Variants in FMN1 observed in about 807,000 individuals in gnomAD.
The protein encoded by FMN1 is formin-1.
Under a neutral mutation model 132.4 loss-of-function variants are expected in FMN1, and 110 were observed. The observed-to-expected ratio is 0.83, with a 90% confidence interval of 0.71 to 0.97. FMN1 has a LOEUF of 0.97. Among genes scored for constraint, FMN1 ranks in the 50% least tolerant of loss-of-function variants. The pLI is 0.00. For synonymous variants in FMN1, 722 were observed against 651.7 expected, an observed-to-expected ratio of 1.11 and a Z score of -1.64; for missense variants, 1,792 against 1,705.3, an observed-to-expected ratio of 1.05 and a Z score of -0.90.
chr15:33,047,426 T>C (rs2036739828), intron 6 of FMN1, among the ~76,000 whole-genome samples: 1 of 152,138 alleles, frequency 6.6e-6, no homozygotes, highest in Non-Finnish European at 1.5e-5. Context: ...ATAAGATATT[T>C]AAAAAAACTT....
intron 6 of FMN1, among the ~76,000 whole-genome samples, chr15:33,042,912 C>G (rs2036506039): frequency 6.6e-6 from 1 of 152,108 alleles, no homozygotes; most frequent in Non-Finnish European, 1.5e-5. Flanking sequence ...GCTCCCCAAT[C>G]ATTATAACAC....
intron 6 of FMN1, among the ~76,000 whole-genome samples, chr15:33,026,574 T>C (rs2035687292): frequency 6.6e-6 from 1 of 152,194 alleles, no homozygotes; most frequent in Non-Finnish European, 1.5e-5. Context: ...CATATATGAT[T>C]TTATATCATG....
At position 32,831,658 on chromosome 15, in the gene FMN1, G is replaced by A. The variant is rs117792125; in HGVS notation, c.3928+25357C>T. ...ATCTTTTGTGGGAATAGTAAGCTTG[G>A]ACAAGTAGACTAGAGACTATGAAGA... is the stretch of plus-strand genomic sequence containing the variant. On this transcript the variant is annotated intron_variant, in intron 17 of 20. Coordinates refer to ENST00000616417, the MANE Select transcript of FMN1 (RefSeq NM_001277313.2). Among the ~76,000 whole-genome samples, 1,499 of 151,970 alleles carry A rather than the reference G, an allele frequency of 9.9e-3. 12 individuals carry two copies. The highest frequency in any genetic ancestry group is 0.026 in the South Asian group (124 of 4,804).
intron 5 of FMN1, among the ~76,000 whole-genome samples, chr15:33,074,263 C>A (rs1416153960): frequency 6.6e-6 from 1 of 152,218 alleles, no homozygotes; most frequent in Non-Finnish European, 1.5e-5. Context: ...CAACACCTTG[C>A]TTCTACCTAA....
At chr15:33,116,212 C>G (rs775397022) in intron 4 of FMN1, among the ~76,000 whole-genome samples, 1 of 151,992 alleles carries the variant, frequency 6.6e-6, no homozygotes, top group South Asian at 2.1e-4. Flanking sequence ...AACTTTTTCA[C>G]TGGGATTGAC....
In FMN1 at chr15:32,832,763, G is replaced by A. The variant is rs116065171; in HGVS notation, c.3928+24252C>T. On this transcript the variant is annotated intron_variant, in intron 17 of 20. Coordinates refer to ENST00000616417, the MANE Select transcript of FMN1 (RefSeq NM_001277313.2). ...ACTGCACTCCAGCCAGCAGAAGGAA[G>A]AGCTTTTTGAGATGGAGACTCAGGT... Among the ~76,000 whole-genome samples the A allele has an allele frequency of 3.1e-3, 465 of 152,200 alleles. 4 individuals carry two copies. The highest frequency in any genetic ancestry group is 0.011 in the African/African-American group (450 of 41,508).
chr15:32,787,640 G>A (rs2056924816), intron 19 of FMN1, among the ~76,000 whole-genome samples: 1 of 152,084 alleles, frequency 6.6e-6, no homozygotes, highest in African/African-American at 2.4e-5. Context: ...TTGAGGCTAG[G>A]AGTTCAAGGC....
Position 33,018,468 on chromosome 15 carries a change from T to C in FMN1, c.2162-10393A>G, listed in dbSNP as rs117918406. On this transcript the variant is annotated intron_variant, in intron 6 of 20. Transcript: ENST00000616417. ...GGCCAATGATTTCATCACCCATGCG[T>C]ACATAATAGAGCTTCCGTGAGAACC... 1.2e-3 allele frequency among the ~76,000 whole-genome samples: 180 copies of C among 152,208 alleles called. 1 individual carries two copies. In the East Asian group the frequency reaches 0.024, roughly 20 times the overall value.
In FMN1 at chr15:33,099,172, T is replaced by C. The variant is rs545686830; in HGVS notation, c.1868-10198A>G. Among the ~76,000 whole-genome samples, 6 of 152,118 alleles carry C rather than the reference T, an allele frequency of 3.9e-5. No homozygotes were observed. The South Asian group carries it at 8.3e-4, about 21-fold the overall frequency. ...CAGGTGGGGTGGCGCGCACCTGTAG[T>C]CTCAGCTACTCTGGAGGCTGAGGTG... On this transcript the variant is annotated intron_variant, in intron 4 of 20. Transcript: ENST00000616417.
intron 5 of FMN1, among the ~76,000 whole-genome samples, chr15:33,073,767 G>A (rs530859631): frequency 1.4e-4 from 21 of 149,146 alleles, no homozygotes; most frequent in Non-Finnish European, 2.1e-4. Context: ...GTCTCACTGC[G>A]TTACCCAGGC....
At chr15:33,111,032 T>G (rs1221779369) in intron 4 of FMN1, among the ~76,000 whole-genome samples, 1 of 152,150 alleles carries the variant, frequency 6.6e-6, no homozygotes, top group African/African-American at 2.4e-5. Flanking sequence ...CATTCAAATG[T>G]TAGTTTTACA....
chr15:32,976,075 G>A (rs928799130), intron 7 of FMN1, among the ~76,000 whole-genome samples: 1 of 152,076 alleles, frequency 6.6e-6, no homozygotes, highest in African/African-American at 2.4e-5. Flanking sequence ...TCATCCGTTA[G>A]CATTTTGTTG....
chr15:32,799,091 T>C (rs2057390518), intron 18 of FMN1, 138 bp from the exon 19 acceptor site: 3 of 663,636 alleles, frequency 4.5e-6, no homozygotes, highest in Admixed American at 6.1e-5. Context: ...TCATAGTTAC[T>C]GAAGTTTATT....
At chr15:32,809,460 G>A (rs1397755211) in intron 17 of FMN1, among the ~76,000 whole-genome samples, 2 of 152,106 alleles carry the variant, frequency 1.3e-5, no homozygotes, top group Admixed American at 1.3e-4. Flanking sequence ...AGTTCACAGT[G>A]TGCCCCTCAC....
intron 2 of FMN1, among the ~76,000 whole-genome samples, chr15:33,193,226 AC>A (rs1966139687): frequency 6.6e-6 from 1 of 152,130 alleles, no homozygotes; most frequent in Admixed American, 6.5e-5. Context: ...TTCCACAACG[AC>A]AGTTAATCTG....
intron 4 of FMN1, among the ~76,000 whole-genome samples, chr15:33,091,008 G>T (rs1470856726): frequency 6.6e-6 from 1 of 152,024 alleles, no homozygotes; most frequent in East Asian, 1.9e-4. Flanking sequence ...AAGATGTTTT[G>T]GTTACTAATC....
intron 6 of FMN1, among the ~76,000 whole-genome samples, chr15:33,044,446 C>T (rs2036583021): frequency 6.6e-6 from 1 of 152,140 alleles, no homozygotes; most frequent in Non-Finnish European, 1.5e-5. Flanking sequence ...TTCCTCTCCT[C>T]CGAAGCCCAT....
intron 4 of FMN1, among the ~76,000 whole-genome samples, chr15:33,111,750 G>A (rs2039714231): frequency 6.6e-6 from 1 of 150,988 alleles, no homozygotes; most frequent in Non-Finnish European, 1.5e-5. Context: ...AATCTACGGA[G>A]GCAGAAAGAA....
At chr15:33,112,839 G>A (rs996080166) in intron 4 of FMN1, among the ~76,000 whole-genome samples, 1 of 152,156 alleles carries the variant, frequency 6.6e-6, no homozygotes, top group African/African-American at 2.4e-5. Context: ...TTGCAGCAGA[G>A]TTATCCAAAT....
Sources: gnomAD v4.1 joint callset for allele counts (sites outside exome capture counted in the v4.1 genomes callset) on GRCh38, gnomAD v4.1.1 for gene constraint, MANE v1.5 for transcripts, NCBI Gene and HGNC (gene_info 2026-07-23, HGNC 2026-07-21) for gene names.